The following UMAD1 variants were observed in gnomAD, a reference collection of about 807,000 sequenced individuals.
The protein encoded by UMAD1 is UBAP1-MVB12-associated (UMA) domain containing 1.
Under a neutral mutation model 6.1 loss-of-function variants are expected in UMAD1, and 8 were observed. That is an observed-to-expected ratio of 1.30 (90% CI 0.76 to 2.35). UMAD1 has a LOEUF of 2.35. UMAD1 is among the 30% of genes most tolerant of loss of function. UMAD1 has a pLI of 0.00. For missense variants in UMAD1, 130 were observed against 78.4 expected (o/e 1.66, Z -2.49); for synonymous variants, 56 against 31.4 (o/e 1.78, Z -2.61).
chr7:7,779,645 C>T (rs1160699822), intron 2 of UMAD1, among the ~76,000 whole-genome samples: 1 of 151,820 alleles, frequency 6.6e-6, no homozygotes, highest in Non-Finnish European at 1.5e-5. Context: ...CTTTATTTTA[C>T]TTTATTTATT....
chr7:7,777,189 C>A (rs1037675811), intron 2 of UMAD1, among the ~76,000 whole-genome samples: 7 of 151,998 alleles, frequency 4.6e-5, no homozygotes, highest in Non-Finnish European at 8.8e-5. Context: ...CCATTTAGAT[C>A]ATTTCCAGAC....
chr7:7,848,550 A>G (rs773211631), intron 3 of UMAD1, among the ~76,000 whole-genome samples: 1 of 152,150 alleles, frequency 6.6e-6, no homozygotes, highest in Non-Finnish European at 1.5e-5. Flanking sequence ...AAAAATGACA[A>G]TAGAGGATAT....
At chr7:7,740,178 T>G (rs974648839) in intron 2 of UMAD1, among the ~76,000 whole-genome samples, 2 of 152,188 alleles carry the variant, frequency 1.3e-5, no homozygotes, top group East Asian at 3.8e-4. Flanking sequence ...TTTCTTCCTT[T>G]CCCCCTTTCT....
At chr7:7,789,665 T>C (rs1782531764) in intron 2 of UMAD1, among the ~76,000 whole-genome samples, 1 of 151,170 alleles carries the variant, frequency 6.6e-6, no homozygotes, top group African/African-American at 2.5e-5. Context: ...TTTCTGTCTG[T>C]ATGAATGTGA....
intron 2 of UMAD1, among the ~76,000 whole-genome samples, chr7:7,734,768 C>A (rs920545987): frequency 1.3e-5 from 2 of 152,112 alleles, no homozygotes; most frequent in African/African-American, 4.8e-5. Context: ...GCATTAACCA[C>A]CTTATCATAT....
intron 3 of UMAD1, among the ~76,000 whole-genome samples, chr7:7,845,625 G>A (rs1265851779): frequency 6.6e-6 from 1 of 152,034 alleles, no homozygotes; most frequent in East Asian, 1.9e-4. Context: ...CTATACTGTA[G>A]GTAAATGTTC....
chr7:7,776,745 G>T (rs1441571565), intron 2 of UMAD1, among the ~76,000 whole-genome samples: 1 of 152,152 alleles, frequency 6.6e-6, no homozygotes, highest in African/African-American at 2.4e-5. Context: ...GAAGGCACAG[G>T]AAGAATCATT....
chr7:7,827,135 ATATATATATATATG>A lies in UMAD1; in HGVS notation c.156+25394_156+25407del, dbSNP rs1290315491. On this transcript the variant is annotated intron_variant, in intron 3 of 3. Transcript: ENST00000682710. ...CTCACAGTCCAGGATATATATATAT[ATATATATATATATG>A]TGTGTGTGTGTGTGTGTGTGTGTGT... Among the ~76,000 whole-genome samples the A allele has an allele frequency of 3.4e-4, 39 of 114,580 alleles. 1 individual carries two copies. Among genetic ancestry groups the A allele is most frequent in the South Asian group, 3.3e-3 (11 of 3,328 alleles). The allele number at this position is 114,580 out of a possible 152,430, so 75.2% of individuals were successfully genotyped here.
At chr7:7,648,885 G>A (rs146723345) in intron 1 of UMAD1, among the ~76,000 whole-genome samples, 1,531 of 151,808 alleles carry the variant, frequency 0.01, 25 homozygotes, top group African/African-American at 0.034. Flanking sequence ...AAGGCCGGGC[G>A]CGGTCGCTCA....
At chr7:7,782,247 G>GA (rs59837056) in intron 2 of UMAD1, among the ~76,000 whole-genome samples, 69,508 of 151,652 alleles carry the variant, frequency 0.46, 16,006 homozygotes, top group Non-Finnish European at 0.49. Context: ...ATAAATAAGG[G>GA]AAAAAATAAA....
At chr7:7,827,147 A>ATGTGTGTGTGTGTGTG (rs60211625) in intron 3 of UMAD1, among the ~76,000 whole-genome samples, 6 of 134,200 alleles carry the variant, frequency 4.5e-5, no homozygotes, top group African/African-American at 1.5e-4. Flanking sequence ...ATATATATAT[A>ATGTGTGTGTGTGTGTG]TGTGTGTGTG....
Position 7,830,213 on chromosome 7 carries a change from G to C in UMAD1, c.156+28470G>C, listed in dbSNP as rs1461543332. The stretch of plus-strand genomic sequence containing the variant: ...CTGTGTCTACCTTGTACGTTGTGCT[G>C]GAATCAACTTGCCATTTCCTAAACA... On this transcript the variant is annotated intron_variant, in intron 3 of 3. Transcript: ENST00000682710. The surrounding 1 kb of genome is among the most constrained non-coding windows in gnomAD (Gnocchi z 5.3). 6.6e-6 allele frequency among the ~76,000 whole-genome samples: 1 copy of C among 152,160 alleles called. No individual in the cohort carries two copies. Among genetic ancestry groups the C allele is most frequent in the Non-Finnish European group, 1.5e-5 (1 of 68,034 alleles).
rs576898012 is a variant in UMAD1, at chr7:7,750,005, T to C, written c.83-51665T>C. 3.9e-5 allele frequency among the ~76,000 whole-genome samples: 6 copies of C among 152,262 alleles called. No homozygotes were observed. In the East Asian group the frequency reaches 1.2e-3, roughly 29 times the overall value. Reference sequence around the variant, plus strand: ...TGTTTGACATCTTAACAAAAGTGAATAGGGAAGATAAATATTCTTAATTAT... The same window carrying C: ...TGTTTGACATCTTAACAAAAGTGAACAGGGAAGATAAATATTCTTAATTAT... On this transcript the variant is annotated intron_variant, in intron 2 of 3. Coordinates refer to ENST00000682710, the MANE Select transcript of UMAD1 (RefSeq NM_001302348.2).
chr7:7,696,316 C>T (rs1780316041), intron 2 of UMAD1, among the ~76,000 whole-genome samples: 1 of 150,930 alleles, frequency 6.6e-6, no homozygotes, highest in African/African-American at 2.4e-5. Flanking sequence ...AAAAAAACAC[C>T]CCAAAACAAA....
At chr7:7,870,820 C>T (rs151087250) in intron 3 of UMAD1, among the ~76,000 whole-genome samples, 5 of 152,338 alleles carry the variant, frequency 3.3e-5, no homozygotes, top group Non-Finnish European at 7.4e-5. Context: ...TGTAATGTTG[C>T]ACTATAGCCA....
intron 2 of UMAD1, among the ~76,000 whole-genome samples, chr7:7,691,011 T>C (rs971971903): frequency 3.3e-5 from 5 of 152,326 alleles, no homozygotes; most frequent in Non-Finnish European, 5.9e-5. Flanking sequence ...TTACAGGACC[T>C]TGAAGCATGT....
intron 1 of UMAD1, among the ~76,000 whole-genome samples, chr7:7,669,971 G>A (rs1451465948): frequency 2.6e-5 from 4 of 152,156 alleles, no homozygotes; most frequent in Admixed American, 6.5e-5. Flanking sequence ...ATGTTTGGAA[G>A]TGACAGATTA....
chr7:7,677,246 G>A (rs1341541187), intron 2 of UMAD1, among the ~76,000 whole-genome samples: 2 of 151,898 alleles, frequency 1.3e-5, no homozygotes, highest in African/African-American at 4.8e-5. Context: ...CTTTGTGTTA[G>A]CAACATTCAA....
At chr7:7,685,239 CT>C (rs1391218235) in intron 2 of UMAD1, among the ~76,000 whole-genome samples, 1 of 151,328 alleles carries the variant, frequency 6.6e-6, no homozygotes, top group Non-Finnish European at 1.5e-5. Context: ...TATTGAGCAT[CT>C]GTTTTTTTTA....
Sources: gnomAD v4.1 joint callset for allele counts (sites outside exome capture counted in the v4.1 genomes callset) on GRCh38, gnomAD v4.1.1 for gene constraint, Gnocchi (gnomAD v3.1) non-coding constraint, MANE v1.5 for transcripts, NCBI Gene and HGNC (gene_info 2026-07-23, HGNC 2026-07-21) for gene names.